Variants in GCFC2 observed in about 807,000 individuals in gnomAD.
GCFC2 encodes intron Large complex component GCFC2.
GCFC2 carries 102 observed loss-of-function variants against 99.4 expected under a neutral mutation model. The observed-to-expected ratio is 1.03, with a 90% confidence interval of 0.87 to 1.21. The LOEUF (loss-of-function observed/expected upper bound fraction) is 1.21, where lower values mean the gene tolerates loss of function less well. Ranked by LOEUF, GCFC2 falls within the 50% of genes most tolerant of loss-of-function variation. The probability of loss-of-function intolerance (pLI) is 0.00; values close to 1 mark genes in which losing one functional copy is unlikely to be tolerated. For missense variants in GCFC2, 973 were observed against 920.9 expected, an observed-to-expected ratio of 1.06 and a Z score of -0.73; for synonymous variants, 338 against 316.8, an observed-to-expected ratio of 1.07 and a Z score of -0.71.
intron 2 of GCFC2, among the ~76,000 whole-genome samples, chr2:75,703,819 T>G (rs1174924946): frequency 1.3e-5 from 2 of 152,202 alleles, no homozygotes; most frequent in African/African-American, 4.8e-5. Flanking sequence ...CTAGAGGATT[T>G]TAATGTGCAG....
At position 75,664,629 on chromosome 2, in the gene GCFC2, CTA is replaced by C. The variant is rs760170684; in HGVS notation, c.*35_*36del. On this transcript the variant is annotated 3_prime_UTR_variant, in exon 17 of 17. Coordinates refer to ENST00000321027, the MANE Select transcript of GCFC2 (RefSeq NM_003203.5). ...TCTCAAACAAAGGAACTGAGTGTAA[CTA>C]TATTAAAATTTTAGCATTTTCCAAT... 1.5e-5 allele frequency: 13 copies of C among 880,178 alleles called. No individual in the cohort carries two copies. The highest frequency in any genetic ancestry group is 2.3e-5 in the Non-Finnish European group (12 of 531,930). 54.5% of individuals were successfully genotyped at this position (880,178 alleles called of 1,614,324 possible).
chr2:75,673,009 G>GT (rs1188789470), intron 13 of GCFC2, among the ~76,000 whole-genome samples: 3 of 150,906 alleles, frequency 2.0e-5, no homozygotes, highest in Non-Finnish European at 4.4e-5. Flanking sequence ...GTGTACACAT[G>GT]TTTTGAAAAC....
intron 1 of GCFC2, among the ~76,000 whole-genome samples, chr2:75,708,490 C>G (rs1680970033): frequency 1.4e-5 from 2 of 145,778 alleles, no homozygotes; most frequent in Admixed American, 1.4e-4. Context: ...GTTTAAGAAT[C>G]CATTTGGCAA....
chr2:75,701,329 C>G (rs1371739611), intron 3 of GCFC2, 42 bp from the exon 4 acceptor site: 1 of 1,183,354 alleles, frequency 8.5e-7, no homozygotes, highest in South Asian at 1.3e-5. Context: ...TAGTATTTTT[C>G]CATTTTAATT....
intron 11 of GCFC2, among the ~76,000 whole-genome samples, chr2:75,683,494 C>T (rs889891343): frequency 4.7e-5 from 7 of 149,446 alleles, no homozygotes; most frequent in East Asian, 1.9e-4. Context: ...AAAAACATAC[C>T]GAATTGTAAA....
In GCFC2 at chr2:75,664,793, A is replaced by G; in HGVS notation, c.2229-10T>C. ...TTCTTCGACTTCATCCCTGAAAAAC[A>G]AAACAAATTTCTCCCTTTAAAAATG... is the stretch of plus-strand genomic sequence containing the variant. On this transcript the variant is annotated splice_polypyrimidine_tract_variant and intron_variant, in intron 16 of 16. Coordinates refer to ENST00000321027, the MANE Select transcript of GCFC2 (RefSeq NM_003203.5). 1 of 1,281,332 alleles carries G rather than the reference A, an allele frequency of 7.8e-7. No individual in the cohort carries two copies. The highest frequency in any genetic ancestry group is 1.1e-6 in the Non-Finnish European group (1 of 884,256). 79.4% of individuals were successfully genotyped at this position (1,281,332 alleles called of 1,614,324 possible).
chr2:75,669,288 A>G (rs964463866), intron 15 of GCFC2, among the ~76,000 whole-genome samples: 14 of 152,164 alleles, frequency 9.2e-5, no homozygotes, highest in African/African-American at 3.4e-4. Flanking sequence ...CTAACTTTCT[A>G]TTATACAAAA....
chr2:75,679,758 C>G, intron 12 of GCFC2: 1 of 398,714 alleles, frequency 2.5e-6, no homozygotes. Context: ...TGAATTTATA[C>G]CGGTTCATCT....
At chr2:75,701,323 A>G in intron 3 of GCFC2, 36 bp from the exon 4 acceptor site, 1 of 1,243,508 alleles carries the variant, frequency 8.0e-7, no homozygotes, top group East Asian at 2.3e-5. Context: ...AACGTTTAGT[A>G]TTTTTCCATT....
At chr2:75,712,440 T>A (rs576837698), upstream of GCFC2, among the ~76,000 whole-genome samples, 9 of 152,248 alleles carry the variant, frequency 5.9e-5, no homozygotes, top group Non-Finnish European at 8.8e-5. Context: ...CTTTTGTATC[T>A]AGCTCAGGGA....
At position 75,696,283 on chromosome 2, in the gene GCFC2, T is replaced by C. The variant is rs751993308; in HGVS notation, c.750A>G (p.Gly250=). 1 of 1,495,202 alleles carries C rather than the reference T, an allele frequency of 6.7e-7. No individual in the cohort carries two copies. Among genetic ancestry groups the C allele is most frequent in the South Asian group, 1.1e-5 (1 of 88,136 alleles). 92.6% of individuals were successfully genotyped at this position (1,495,202 alleles called of 1,614,324 possible). ...TATCAAATTTCTTCACTTTTGAAGA[T>C]CCATTGCCACAGGAAAGATCTATGT... ...ERDIDLSCGN[G]SSKVKKFDTS... is the part of the protein sequence containing the mutation. The change falls in exon 5 of 17, where the codon GGA becomes GGG. Residue 250 remains glycine, a synonymous_variant. Transcript: ENST00000321027.
At chr2:75,669,926 T>C (rs1370409817) in intron 15 of GCFC2, 1 of 335,640 alleles carries the variant, frequency 3.0e-6, no homozygotes, top group Non-Finnish European at 5.6e-6. Flanking sequence ...AGTTTCACCA[T>C]GTTGGTGAGG....
chr2:75,692,979 T>C (rs1288590170), intron 6 of GCFC2, among the ~76,000 whole-genome samples: 5 of 152,154 alleles, frequency 3.3e-5, no homozygotes, highest in Admixed American at 6.5e-5. Flanking sequence ...AGTACATTAA[T>C]GCACAGGCTG....
At chr2:75,682,721 C>G (rs541680991) in intron 11 of GCFC2, among the ~76,000 whole-genome samples, 1 of 151,854 alleles carries the variant, frequency 6.6e-6, no homozygotes, top group Admixed American at 6.5e-5. Context: ...GTATTGCTAA[C>G]TAAAATAACC....
intron 7 of GCFC2, among the ~76,000 whole-genome samples, chr2:75,691,282 G>T (rs1403910193): frequency 1.3e-5 from 2 of 152,126 alleles, no homozygotes; most frequent in South Asian, 2.1e-4. Context: ...CGAATGTTGG[G>T]TATCTCTCTC....
At chr2:75,685,006 G>T (rs901114016) in intron 11 of GCFC2, among the ~76,000 whole-genome samples, 2 of 152,096 alleles carry the variant, frequency 1.3e-5, no homozygotes, top group Non-Finnish European at 2.9e-5. Context: ...AGTGGGAGCT[G>T]AACAATGAGA....
upstream of GCFC2, chr2:75,710,948 T>C (rs767752269): frequency 1.8e-5 from 25 of 1,368,712 alleles, no homozygotes; most frequent in Admixed American, 3.9e-5. Flanking sequence ...CCGCCGCGCC[T>C]GGCCGCCGAG....
chr2:75,705,390 G>A (rs919780999), intron 2 of GCFC2, among the ~76,000 whole-genome samples: 1 of 151,970 alleles, frequency 6.6e-6, no homozygotes, highest in Non-Finnish European at 1.5e-5. Context: ...TTGAGAGTCC[G>A]AGGTGGGCAG....
intron 3 of GCFC2, chr2:75,701,663 C>A (rs1237169714): frequency 1.7e-5 from 3 of 180,302 alleles, no homozygotes; most frequent in African/African-American, 2.4e-5. Flanking sequence ...ACCTGAGAAT[C>A]CAAACACTTA....
Sources: gnomAD v4.1 joint callset for allele counts (sites outside exome capture counted in the v4.1 genomes callset) on GRCh38, gnomAD v4.1.1 for gene constraint, MANE v1.5 for transcripts, NCBI Gene and HGNC (gene_info 2026-07-23, HGNC 2026-07-21) for gene names.